Variants in SHISA9 observed in about 807,000 individuals in gnomAD.
The protein encoded by SHISA9 is protein shisa-9.
SHISA9 carries 13 observed loss-of-function variants against 38.0 expected under a neutral mutation model. That is an observed-to-expected ratio of 0.34 (90% CI 0.22 to 0.54). The LOEUF (loss-of-function observed/expected upper bound fraction) is 0.54. Among genes scored for constraint, SHISA9 ranks in the 20% least tolerant of loss-of-function variants. The pLI is 0.91. For synonymous variants in SHISA9, 275 were observed against 242.0 expected (o/e 1.14, Z -1.27); for missense variants, 538 against 575.8 (o/e 0.93, Z 0.67).
chr16:13,552,491 G>A, the SHISA9 span, among the ~76,000 whole-genome samples: 1 of 151,290 alleles, frequency 6.6e-6, no homozygotes, highest in Non-Finnish European at 1.5e-5. Context: ...TATGGTATCG[G>A]GCTTTGTGGC....
the SHISA9 span, among the ~76,000 whole-genome samples, chr16:13,530,161 C>A: frequency 6.6e-6 from 1 of 152,084 alleles, no homozygotes; most frequent in Non-Finnish European, 1.5e-5. Flanking sequence ...ATTAGCCAGG[C>A]CTGGTGGTGA....
intron 2 of SHISA9, among the ~76,000 whole-genome samples, chr16:13,146,926 A>G (rs2050452330): frequency 6.6e-6 from 1 of 152,218 alleles, no homozygotes; most frequent in Admixed American, 6.5e-5. Flanking sequence ...TTTATAAAGG[A>G]AAGAAGCATA....
intron 2 of SHISA9, among the ~76,000 whole-genome samples, chr16:12,994,534 G>A (rs1314868567): frequency 1.3e-5 from 2 of 152,178 alleles, no homozygotes; most frequent in Non-Finnish European, 2.9e-5. Flanking sequence ...ATTTATGGTG[G>A]TGGTGGTAGT....
At chr16:13,094,053 C>T (rs1020087655) in intron 2 of SHISA9, among the ~76,000 whole-genome samples, 7 of 152,154 alleles carry the variant, frequency 4.6e-5, no homozygotes, top group African/African-American at 1.7e-4. Context: ...AAGGAGGCTG[C>T]TGGGGTCCCG....
At chr16:13,004,017 GTGAACCAATGT>G (rs1231471593) in intron 2 of SHISA9, among the ~76,000 whole-genome samples, 1 of 152,150 alleles carries the variant, frequency 6.6e-6, no homozygotes, top group Non-Finnish European at 1.5e-5. Flanking sequence ...GATGTCCTGG[GTGAACCAATGT>G]GTTGGGTTCA....
At chr16:13,363,089 A>G in the SHISA9 span, among the ~76,000 whole-genome samples, 1 of 152,232 alleles carries the variant, frequency 6.6e-6, no homozygotes, top group African/African-American at 2.4e-5. Flanking sequence ...CTCTGTAGGC[A>G]CTGGGTACAC....
At chr16:13,450,864 G>A in the SHISA9 span, among the ~76,000 whole-genome samples, 1 of 152,158 alleles carries the variant, frequency 6.6e-6, no homozygotes, top group Non-Finnish European at 1.5e-5. Context: ...GATCCGATAT[G>A]GCGGCAGGAG....
At chr16:13,171,560 A>C (rs1206280171) in intron 2 of SHISA9, among the ~76,000 whole-genome samples, 1 of 152,034 alleles carries the variant, frequency 6.6e-6, no homozygotes, top group Non-Finnish European at 1.5e-5. Flanking sequence ...GTGCTGATGA[A>C]TGGGGGTGCT....
At chr16:13,091,384 T>G (rs2073773406) in intron 2 of SHISA9, among the ~76,000 whole-genome samples, 1 of 152,260 alleles carries the variant, frequency 6.6e-6, no homozygotes, top group African/African-American at 2.4e-5. Context: ...GATAATATCC[T>G]GAAGAGTGTT....
chr16:13,007,241 A>T (rs1464584300), intron 2 of SHISA9, among the ~76,000 whole-genome samples: 1 of 152,152 alleles, frequency 6.6e-6, no homozygotes, highest in East Asian at 1.9e-4. Flanking sequence ...ACTCTGGACC[A>T]TCCCTTTCTC....
At chr16:13,252,051 A>G in the SHISA9 span, among the ~76,000 whole-genome samples, 1 of 152,146 alleles carries the variant, frequency 6.6e-6, no homozygotes, top group Non-Finnish European at 1.5e-5. Flanking sequence ...ACAGATCACA[A>G]CGTTCTTTCT....
the SHISA9 span, among the ~76,000 whole-genome samples, chr16:13,283,031 G>T: frequency 1.3e-5 from 2 of 151,840 alleles, no homozygotes; most frequent in Non-Finnish European, 2.9e-5. Flanking sequence ...TCTTGACTAT[G>T]GTTCATTTTT....
chr16:13,426,815 G>A, the SHISA9 span, among the ~76,000 whole-genome samples: 8 of 152,324 alleles, frequency 5.3e-5, no homozygotes, highest in South Asian at 6.2e-4. Context: ...TATGAATGGC[G>A]TTGACAGTAA....
chr16:13,349,867 C>G, the SHISA9 span, among the ~76,000 whole-genome samples: 115,746 of 152,152 alleles, frequency 0.76, 44,355 homozygotes, highest in East Asian at 0.96. Context: ...GTTAAATAAG[C>G]AAAAAGACCA....
chr16:13,549,769 A>C, the SHISA9 span, among the ~76,000 whole-genome samples: 1 of 152,106 alleles, frequency 6.6e-6, no homozygotes, highest in Non-Finnish European at 1.5e-5. Context: ...TCACACCTGT[A>C]ATCTCAGCAC....
intron 2 of SHISA9, among the ~76,000 whole-genome samples, chr16:13,177,795 G>C (rs943428162): frequency 1.3e-5 from 2 of 151,974 alleles, no homozygotes; most frequent in Admixed American, 1.3e-4. Context: ...TCAGCCTCCC[G>C]AGTAGCTGAC....
chr16:12,959,597 C>CA (rs1297466395), intron 2 of SHISA9, among the ~76,000 whole-genome samples: 1 of 144,324 alleles, frequency 6.9e-6, no homozygotes, highest in Non-Finnish European at 1.6e-5. Context: ...CTATAGGGGT[C>CA]AAAAACCAGG....
At chr16:13,249,747 C>T in the SHISA9 span, among the ~76,000 whole-genome samples, 332 of 152,028 alleles carry the variant, frequency 2.2e-3, 1 homozygote, top group African/African-American at 7.4e-3. Flanking sequence ...TATTATTTTA[C>T]TTCTTAGAAA....
At chr16:13,219,213 C>T (rs1264304436) in intron 4 of SHISA9, among the ~76,000 whole-genome samples, 3 of 152,196 alleles carry the variant, frequency 2.0e-5, no homozygotes, top group Admixed American at 6.5e-5. Flanking sequence ...CTAGTTTGGC[C>T]GTGTGTCCTT....
Sources: allele counts gnomAD v4.1 joint callset (sites outside exome capture counted in the v4.1 genomes callset), GRCh38; gene constraint gnomAD v4.1.1; transcripts MANE v1.5; gene names NCBI Gene and HGNC (gene_info 2026-07-23, HGNC 2026-07-21).